The following BOP1 variants were observed in gnomAD, a reference collection of about 807,000 sequenced individuals.
BOP1 encodes ribosome biogenesis protein BOP1.
A neutral mutation model predicts 82.9 loss-of-function variants in BOP1; 54 were observed. The ratio of observed to expected loss-of-function variants is 0.65; its 90% CI spans 0.52 to 0.82. The LOEUF is 0.82. BOP1 is among the 40% of genes least tolerant of loss of function. The pLI is 0.00. For missense variants in BOP1, 1,170 were observed against 1,072.0 expected (o/e 1.09, Z -1.28); for synonymous variants, 566 against 451.1 (o/e 1.25, Z -3.23).
At chr8:144,267,254 G>A in intron 3 of BOP1, 1 of 1,429,834 alleles carries the variant, frequency 7.0e-7, no homozygotes, top group Non-Finnish European at 9.1e-7. Flanking sequence ...GGCAGAGGAG[G>A]CGAGGCCACA....
In BOP1 at chr8:144,264,454, G is replaced by A. The variant is rs1845309508; in HGVS notation, c.766-17C>T. 4.4e-6 allele frequency: 7 copies of A among 1,605,996 alleles called. No individual in the cohort carries two copies. The highest frequency in any genetic ancestry group is 5.9e-6 in the Non-Finnish European group (7 of 1,179,626). On this transcript the variant is annotated splice_polypyrimidine_tract_variant and intron_variant, in intron 6 of 15. Coordinates refer to ENST00000569669, the MANE Select transcript of BOP1 (RefSeq NM_015201.5). ...GCGAGAGACCTGCATAGACAGCCGG[G>A]TCAGGACGGGCAGTGCGGGGCGGTC...
intron 2 of BOP1, among the ~76,000 whole-genome samples, chr8:144,282,436 G>A (rs575519548): frequency 6.6e-6 from 1 of 152,292 alleles, no homozygotes; most frequent in South Asian, 2.1e-4. Flanking sequence ...AGGGAGGCTG[G>A]AGATGGGGTG....
At chr8:144,272,027 G>A (rs964321635) in intron 3 of BOP1, among the ~76,000 whole-genome samples, 21 of 152,094 alleles carry the variant, frequency 1.4e-4, no homozygotes, top group Admixed American at 2.6e-4. Flanking sequence ...GGCCTGCCTC[G>A]GTCTCTGCTG....
intron 2 of BOP1, among the ~76,000 whole-genome samples, chr8:144,278,898 A>G (rs1174232836): frequency 6.6e-6 from 1 of 152,264 alleles, no homozygotes; most frequent in Non-Finnish European, 1.5e-5. Context: ...GTACATCAGC[A>G]GGAACTGAAA....
intron 2 of BOP1, among the ~76,000 whole-genome samples, chr8:144,285,436 G>A (rs1554839363): frequency 6.6e-6 from 1 of 152,182 alleles, no homozygotes; most frequent in African/African-American, 2.4e-5. Flanking sequence ...GGGAGTGGGG[G>A]GACAGGCAGA....
At chr8:144,288,261 CTCTG>C (rs1195548637) in intron 2 of BOP1, among the ~76,000 whole-genome samples, 4 of 147,414 alleles carry the variant, frequency 2.7e-5, no homozygotes, top group African/African-American at 1.0e-4. Context: ...CAGAGCAAGA[CTCTG>C]TCTTAGAAAA....
intron 2 of BOP1, among the ~76,000 whole-genome samples, chr8:144,283,778 T>C (rs1329581035): frequency 1.3e-5 from 2 of 152,210 alleles, no homozygotes; most frequent in Non-Finnish European, 2.9e-5. Flanking sequence ...CAGTAGTGCA[T>C]GGCATCACCG....
chr8:144,264,263 A>T lies in BOP1; in HGVS notation c.940T>A (p.Tyr314Asn). The T allele has an allele frequency of 6.2e-7, 1 of 1,610,840 alleles. No individual in the cohort carries two copies. The highest frequency in any genetic ancestry group is 8.5e-7 in the Non-Finnish European group (1 of 1,179,456). ...KLALPGHAES[Y>N]NPPPEYLLSE... ...AGCAGGTATTCAGGGGGTGGGTTGTACGACTCGGCGTGGCCTGGCAGGGCC... is the reference window on the plus strand; with the variant it reads ...AGCAGGTATTCAGGGGGTGGGTTGTTCGACTCGGCGTGGCCTGGCAGGGCC... The change falls in exon 7 of 16, where the codon TAC (tyrosine) becomes AAC (asparagine). Residue 314 changes from tyrosine to asparagine, a missense_variant. Tyr to Asn is a moderately radical substitution (Grantham distance 143, BLOSUM62 -2). Transcript: ENST00000569669.
intron 2 of BOP1, among the ~76,000 whole-genome samples, chr8:144,285,957 G>A (rs1028977497): frequency 1.1e-4 from 16 of 152,244 alleles, no homozygotes; most frequent in African/African-American, 3.9e-4. Flanking sequence ...GCGGCACTCT[G>A]GGAGGCCTCA....
At chr8:144,266,849 C>G in intron 3 of BOP1, 3 of 1,385,444 alleles carry the variant, frequency 2.2e-6, no homozygotes, top group South Asian at 2.8e-5. Context: ...CAGCGGCACA[C>G]GGCGAACGCG....
chr8:144,279,825 C>T (rs1845641220), intron 2 of BOP1, among the ~76,000 whole-genome samples: 1 of 152,158 alleles, frequency 6.6e-6, no homozygotes, highest in African/African-American at 2.4e-5. Context: ...CAGCCCTGAG[C>T]CCTGGGAGAG....
chr8:144,262,353 C>T (rs1845217079), intron 15 of BOP1, 36 bp from the exon 16 acceptor site: 4 of 1,612,718 alleles, frequency 2.5e-6, no homozygotes, highest in South Asian at 1.1e-5. Flanking sequence ...CACGGCCAGA[C>T]ACCACTGCCC....
At chr8:144,266,774 G>A (rs1845378425) in intron 3 of BOP1, 1 of 1,086,784 alleles carries the variant, frequency 9.2e-7, no homozygotes, top group Non-Finnish European at 1.1e-6. Context: ...GGCGCCCGGC[G>A]GAGGGCGGGG....
intron 2 of BOP1, 42 bp from the exon 3 acceptor site, chr8:144,276,346 G>A: frequency 1.9e-6 from 3 of 1,602,696 alleles, no homozygotes; most frequent in East Asian, 2.2e-5. Flanking sequence ...GGGGATACAG[G>A]GTACCCTTTG....
At position 144,264,802 on chromosome 8, in the gene BOP1, C is replaced by T. The variant is rs1000211146; in HGVS notation, c.575G>A (p.Arg192Gln). 86 of 1,609,554 alleles carry T rather than the reference C, an allele frequency of 5.3e-5. No homozygotes were observed. In the African/African-American group the frequency reaches 8.0e-4, roughly 15 times the overall value. The change falls in exon 5 of 16, where the codon CGG becomes CAG. Residue 192 changes from arginine to glutamine, a missense_variant. Transcript: ENST00000569669. Reference sequence around the variant, plus strand: ...CTGCTCATCCGTCAGTCTCAGGTCCCGCCCTGTCATCGGGTCCTGCACGGT... The same window carrying T: ...CTGCTCATCCGTCAGTCTCAGGTCCTGCCCTGTCATCGGGTCCTGCACGGT... ...WRTVQDPMTG[R>Q]DLRLTDEQVA...
At chr8:144,290,455 C>T (rs1815019754) in intron 1 of BOP1, among the ~76,000 whole-genome samples, 1 of 152,228 alleles carries the variant, frequency 6.6e-6, no homozygotes, top group African/African-American at 2.4e-5. Flanking sequence ...ACTTAAGGTA[C>T]GACCTGCATG....
At chr8:144,270,255 C>T (rs986392652) in intron 3 of BOP1, among the ~76,000 whole-genome samples, 5 of 152,130 alleles carry the variant, frequency 3.3e-5, no homozygotes, top group African/African-American at 9.7e-5. Context: ...TGGGAAGGTG[C>T]GGGCCAGCAT....
chr8:144,276,856 C>G (rs1845574671), intron 2 of BOP1, among the ~76,000 whole-genome samples: 1 of 152,218 alleles, frequency 6.6e-6, no homozygotes, highest in South Asian at 2.1e-4. Flanking sequence ...CCCGCCCAGT[C>G]CAGCCAGCAG....
Position 144,264,582 on chromosome 8 carries a change from A to G in BOP1, c.698T>C (p.Ile233Thr). The G allele has an allele frequency of 1.9e-6, 3 of 1,608,338 alleles. No individual in the cohort carries two copies. The highest frequency in any genetic ancestry group is 2.2e-5 in the South Asian group (2 of 90,350). The change falls in exon 6 of 16, where the codon ATC becomes ACC. Residue 233 changes from isoleucine (I) to threonine (T), a missense_variant. Coordinates refer to ENST00000569669, the MANE Select transcript of BOP1 (RefSeq NM_015201.5). ...GGCCGGGCGGTTGGTCACCGGGTGGATCATGACGTCCCCGCTGAAGAAGTC... is the reference window on the plus strand; with the variant it reads ...GGCCGGGCGGTTGGTCACCGGGTGGGTCATGACGTCCCCGCTGAAGAAGTC... ...AVDFFSGDVM[I>T]HPVTNRPADK... is the part of the protein sequence containing the mutation.
Sources: gnomAD v4.1 joint callset for allele counts (sites outside exome capture counted in the v4.1 genomes callset) on GRCh38, gnomAD v4.1.1 for gene constraint, MANE v1.5 for transcripts, NCBI Gene and HGNC (gene_info 2026-07-23, HGNC 2026-07-21) for gene names.